RTL9: variants seen among roughly 807,000 people sequenced by gnomAD.
RTL9 encodes retrotransposon Gag-like protein 9.
Under a neutral mutation model 44.7 loss-of-function variants are expected in RTL9, and 19 were observed. That is an observed-to-expected ratio of 0.42 (90% CI 0.30 to 0.62). RTL9 has a LOEUF of 0.62. Ranked by LOEUF, RTL9 falls within the 20% of genes least tolerant of loss-of-function variation. RTL9 has a pLI of 0.16. For synonymous variants in RTL9, 407 were observed against 398.9 expected (o/e 1.02, Z -0.24); for missense variants, 1,105 against 1,080.6 (o/e 1.02, Z -0.32).
intron 1 of RTL9, among the ~76,000 whole-genome samples, chrX:110,385,984 T>G (rs1438711271): frequency 2.7e-5 from 3 of 112,572 alleles, no homozygotes; most frequent in African/African-American, 9.7e-5. Flanking sequence ...GGCTGAATAA[T>G]AGTTCATTAT....
At chrX:110,361,107 C>T (rs1427185144) in intron 1 of RTL9, among the ~76,000 whole-genome samples, 1 of 110,644 alleles carries the variant, frequency 9.0e-6, no homozygotes, top group Non-Finnish European at 1.9e-5. Flanking sequence ...TGCCCCTGCC[C>T]ACAACCCCCA....
At chrX:110,413,247 A>G (rs193206980) in intron 1 of RTL9, among the ~76,000 whole-genome samples, 9 of 111,117 alleles carry the variant, frequency 8.1e-5, no homozygotes, top group South Asian at 3.8e-4. Flanking sequence ...ACAGAGCACT[A>G]TTGTCTACCT....
chrX:110,451,681 C>A (rs769855043), exon 1 of RTL9: 2 of 1,211,523 alleles, frequency 1.7e-6, no homozygotes, highest in Admixed American at 2.2e-5. Flanking sequence ...ACGGCCCTAC[C>A]CTCTGGAGTG....
At chrX:110,377,760 A>G (rs1251962741) in intron 1 of RTL9, among the ~76,000 whole-genome samples, 2 of 110,954 alleles carry the variant, frequency 1.8e-5, no homozygotes, top group Non-Finnish European at 3.8e-5. Context: ...TCTCAATCCC[A>G]GCACTTTGGG....
chrX:110,417,186 G>A (rs747498862), upstream of RTL9, among the ~76,000 whole-genome samples: 1 of 112,022 alleles, frequency 8.9e-6, no homozygotes, highest in East Asian at 2.8e-4. Context: ...CTCTCGGCAG[G>A]CACTGCCTCA....
At chrX:110,434,648 G>A (rs1420557507) in intron 1 of RTL9, among the ~76,000 whole-genome samples, 4 of 111,685 alleles carry the variant, frequency 3.6e-5, no homozygotes, top group African/African-American at 1.3e-4. Context: ...GAGAGGGAGA[G>A]TGAGGGGAGA....
chrX:110,442,991 G>A (rs2068891065), intron 1 of RTL9, among the ~76,000 whole-genome samples: 1 of 111,887 alleles, frequency 8.9e-6, no homozygotes, highest in Non-Finnish European at 1.9e-5. Context: ...CCTAGAAAGA[G>A]TGAGCAATTG....
At chrX:110,412,996 T>C (rs969631816) in intron 1 of RTL9, among the ~76,000 whole-genome samples, 1 of 111,933 alleles carries the variant, frequency 8.9e-6, no homozygotes, top group African/African-American at 3.3e-5. Context: ...CGTTTGGAAT[T>C]CCGAGGACAG....
intron 1 of RTL9, among the ~76,000 whole-genome samples, chrX:110,377,972 G>A (rs1372181594): frequency 1.1e-5 from 1 of 88,793 alleles, no homozygotes; most frequent in Non-Finnish European, 2.1e-5. Flanking sequence ...TCGCGCCACT[G>A]CACTCCAGCC....
At chrX:110,448,476 G>C (rs1021863210), upstream of RTL9, among the ~76,000 whole-genome samples, 2 of 109,417 alleles carry the variant, frequency 1.8e-5, no homozygotes, top group Non-Finnish European at 3.8e-5. Context: ...GGGCAGAGTG[G>C]GGTGGGGCAT....
At chrX:110,423,948 A>AT (rs1210142564) in intron 1 of RTL9, among the ~76,000 whole-genome samples, 2 of 112,177 alleles carry the variant, frequency 1.8e-5, no homozygotes, top group Non-Finnish European at 3.8e-5. Flanking sequence ...TTTTCATGGC[A>AT]TTTTGCTAAA....
intron 1 of RTL9, among the ~76,000 whole-genome samples, chrX:110,378,327 C>T (rs759640787): frequency 9.0e-6 from 1 of 111,234 alleles, no homozygotes; most frequent in Admixed American, 9.5e-5. Flanking sequence ...TACCCTAGTT[C>T]AGTTCTTCAT....
rs184176149 is a variant in RTL9 at position 110,396,967 on chromosome X, G to A, written c.-168+38051G>A. On this transcript the variant is annotated intron_variant, in intron 1 of 2. Transcript: ENST00000520821. The stretch of plus-strand genomic sequence containing the variant: ...ACCTACAGGCAGGCTGGCCACACCC[G>A]TGAGTTTTTCTCTTCTTTTTTTCCA... 1.0e-2 allele frequency among the ~76,000 whole-genome samples: 1,112 copies of A among 111,526 alleles called. 8 individuals are homozygous for A. The highest frequency in any genetic ancestry group is 0.025 in the East Asian group (87 of 3,536).
intron 1 of RTL9, among the ~76,000 whole-genome samples, chrX:110,404,232 C>T (rs773006666): frequency 8.9e-6 from 1 of 111,898 alleles, no homozygotes; most frequent in South Asian, 3.8e-4. Flanking sequence ...ATACCTTTAA[C>T]CTTTTCCCCT....
At chrX:110,381,568 CT>C (rs913137893) in intron 1 of RTL9, among the ~76,000 whole-genome samples, 6 of 112,009 alleles carry the variant, frequency 5.4e-5, no homozygotes, top group African/African-American at 1.9e-4. Context: ...AGTCCTCTTA[CT>C]GGGTATATAT....
rs753217808 is a variant in RTL9, at chrX:110,361,628, A to C, written c.-168+2712A>C. On this transcript the variant is annotated intron_variant, in intron 1 of 2. Transcript: ENST00000520821. The stretch of plus-strand genomic sequence containing the variant: ...CTTCAGGTGATGGATCAAATATCCC[A>C]CTTGGTAAAATCTTCTCTGATTACC... Among the ~76,000 whole-genome samples the C allele has an allele frequency of 6.2e-5, 7 of 112,017 alleles. No individual in the cohort carries two copies. The South Asian group carries it at 2.6e-3, about 42-fold the overall frequency.
At chrX:110,368,787 C>T (rs1302664806) in intron 1 of RTL9, among the ~76,000 whole-genome samples, 1 of 111,568 alleles carries the variant, frequency 9.0e-6, no homozygotes. Context: ...GTAGCTGGCA[C>T]ATAATAGGTG....
chrX:110,393,995 T>C (rs997514303), intron 1 of RTL9, among the ~76,000 whole-genome samples: 2 of 112,675 alleles, frequency 1.8e-5, no homozygotes, highest in Non-Finnish European at 3.8e-5. Flanking sequence ...TGAGCGCTTT[T>C]GTGATTCTTC....
intron 1 of RTL9, among the ~76,000 whole-genome samples, chrX:110,408,431 G>A (rs2068617935): frequency 8.9e-6 from 1 of 112,581 alleles, no homozygotes; most frequent in Admixed American, 9.3e-5. Context: ...CTTGCAAAAT[G>A]AAAAATAGTC....
Sources: allele counts gnomAD v4.1 joint callset (sites outside exome capture counted in the v4.1 genomes callset), GRCh38; gene constraint gnomAD v4.1.1; transcripts MANE v1.5; gene names NCBI Gene and HGNC (gene_info 2026-07-23, HGNC 2026-07-21).